The following ARID5B variants were observed in gnomAD, a reference collection of about 807,000 sequenced individuals.
The protein encoded by ARID5B is AT-rich interaction domain 5B.
A neutral mutation model predicts 97.2 loss-of-function variants in ARID5B; 13 were observed. The ratio of observed to expected loss-of-function variants is 0.13; its 90% confidence interval spans 0.09 to 0.21. The LOEUF (loss-of-function observed/expected upper bound fraction) is 0.21, where lower values mean the gene tolerates loss of function less well. Among genes scored for constraint, ARID5B ranks in the 10% least tolerant of loss-of-function variants. ARID5B has a pLI of 1.00. For synonymous variants in ARID5B, 556 were observed against 570.3 expected, an observed-to-expected ratio of 0.97 and a Z score of 0.36; for missense variants, 1,210 against 1,465.3, an observed-to-expected ratio of 0.83 and a Z score of 2.84.
At chr10:62,068,972 A>G (rs1274492376) in intron 7 of ARID5B, among the ~76,000 whole-genome samples, 1 of 152,236 alleles carries the variant, frequency 6.6e-6, no homozygotes, top group Non-Finnish European at 1.5e-5. Flanking sequence ...CTAGCATTTT[A>G]ACTGTGGAAT....
chr10:61,916,508 A>G (rs906269134), intron 2 of ARID5B, among the ~76,000 whole-genome samples: 1 of 152,208 alleles, frequency 6.6e-6, no homozygotes, highest in African/African-American at 2.4e-5. Flanking sequence ...TTAATATGTG[A>G]CATTTTATTT....
intron 9 of ARID5B, 79 bp from the exon 10 acceptor site, chr10:62,090,783 T>G: frequency 1.3e-6 from 2 of 1,490,942 alleles, no homozygotes; most frequent in Non-Finnish European, 1.8e-6. Context: ...AAAACTGCTG[T>G]GTGGAATATT....
chr10:62,032,320 C>T (rs1171152973), intron 4 of ARID5B, among the ~76,000 whole-genome samples: 1 of 152,136 alleles, frequency 6.6e-6, no homozygotes, highest in Non-Finnish European at 1.5e-5. Context: ...GACCCTGACT[C>T]TGTAAATAAA....
intron 8 of ARID5B, among the ~76,000 whole-genome samples, chr10:62,073,455 G>T (rs1031491818): frequency 6.6e-6 from 1 of 152,224 alleles, no homozygotes; most frequent in African/African-American, 2.4e-5. Flanking sequence ...ATCAATGGGT[G>T]TTTTTATTTA....
At chr10:62,009,108 CCAG>C (rs1839183652) in intron 4 of ARID5B, among the ~76,000 whole-genome samples, 1 of 152,184 alleles carries the variant, frequency 6.6e-6, no homozygotes, top group Non-Finnish European at 1.5e-5. Flanking sequence ...GGCACAAGAG[CCAG>C]CTGTACTGCC....
intron 4 of ARID5B, among the ~76,000 whole-genome samples, chr10:62,039,231 G>A (rs556136545): frequency 1.4e-4 from 22 of 152,292 alleles, no homozygotes; most frequent in Admixed American, 1.3e-4. Context: ...AGATTGCTTC[G>A]TGGTACATAG....
chr10:62,020,005 C>T (rs1032687247), intron 4 of ARID5B, among the ~76,000 whole-genome samples: 15 of 152,168 alleles, frequency 9.9e-5, no homozygotes, highest in Admixed American at 3.9e-4. Context: ...TGAAGAGAAG[C>T]GAGTCTCAGC....
At chr10:61,986,335 T>A (rs1457340251) in intron 3 of ARID5B, among the ~76,000 whole-genome samples, 1 of 152,204 alleles carries the variant, frequency 6.6e-6, no homozygotes, top group Non-Finnish European at 1.5e-5. Flanking sequence ...AAGGGCTTTA[T>A]AAATTTGGGA....
At chr10:62,064,931 G>A (rs997449463) in intron 7 of ARID5B, among the ~76,000 whole-genome samples, 3 of 151,920 alleles carry the variant, frequency 2.0e-5, no homozygotes, top group East Asian at 1.9e-4. Context: ...CCACTGCCAC[G>A]CCTGGCTAGT....
At chr10:61,990,925 T>C (rs1008213184) in intron 3 of ARID5B, among the ~76,000 whole-genome samples, 3 of 152,062 alleles carry the variant, frequency 2.0e-5, no homozygotes, top group African/African-American at 7.2e-5. Flanking sequence ...CTTCCAACCC[T>C]CCTAGACCCC....
chr10:61,958,622 A>G (rs1169431485), intron 3 of ARID5B, among the ~76,000 whole-genome samples: 2 of 152,202 alleles, frequency 1.3e-5, no homozygotes, highest in Non-Finnish European at 2.9e-5. Context: ...TTCTACCAGG[A>G]TATTACTAGA....
intron 4 of ARID5B, chr10:62,049,448 G>C: frequency 6.4e-7 from 1 of 1,550,530 alleles, no homozygotes; most frequent in Non-Finnish European, 8.7e-7. Flanking sequence ...CATGAGCACA[G>C]GCATCAGTCA....
chr10:62,023,165 TTAAAG>T (rs1589262210), intron 4 of ARID5B, among the ~76,000 whole-genome samples: 1 of 152,250 alleles, frequency 6.6e-6, no homozygotes, highest in African/African-American at 2.4e-5. Flanking sequence ...TATCTGTTCA[TTAAAG>T]TAACACTTCT....
rs1839398465 is a variant in ARID5B at position 62,024,738 on chromosome 10, A to T, written c.733+24417A>T. ...AAGTTACCAAACCAATGAACTGAAG[A>T]AAATCTAGAAAAGTTTTCACGGGTA... On this transcript the variant is annotated intron_variant, in intron 4 of 9. Coordinates refer to ENST00000279873, the MANE Select transcript of ARID5B (RefSeq NM_032199.3). 5 of 396,066 alleles carry T rather than the reference A, an allele frequency of 1.3e-5. No individual in the cohort carries two copies. The East Asian group carries it at 1.8e-4, about 14-fold the overall frequency. 24.5% of individuals were successfully genotyped at this position (396,066 alleles called of 1,614,324 possible). A position where few individuals can be genotyped will look rare whatever the true frequency, so the allele number is the denominator to read the frequency against.
At chr10:61,940,485 C>T (rs1432650545) in intron 3 of ARID5B, 77 bp downstream of exon 3, 39 of 1,255,322 alleles carry the variant, frequency 3.1e-5, no homozygotes, top group Middle Eastern at 1.9e-4. Flanking sequence ...TTTCTGGAAA[C>T]ACTATCATTT....
In ARID5B at chr10:62,091,925, A is replaced by C; in HGVS notation, c.2462A>C (p.His821Pro). ...DKLLEKRALP[H>P]SHMPSFLADF... ...CTCTTAGAGAAAAGGGCCCTCCCCC[A>C]TTCCCACATGCCTAGCTTCCTGGCT... Residue 821 changes from histidine to proline, a missense_variant, in exon 10 of 10, where the codon CAT (histidine) becomes CCT (proline). By Grantham distance (77) the His-to-Pro change is moderately conservative (BLOSUM62 -2). This residue lies in a region of ARID5B where 800 missense variants were observed against 839.1 expected (regional missense o/e 0.95). Coordinates refer to ENST00000279873, the MANE Select transcript of ARID5B (RefSeq NM_032199.3). 6.2e-7 allele frequency: 1 copy of C among 1,613,746 alleles called. No individual in the cohort carries two copies. Among genetic ancestry groups the C allele is most frequent in the Non-Finnish European group, 8.5e-7 (1 of 1,179,870 alleles).
chr10:62,079,737 G>T (rs781142841), intron 8 of ARID5B, among the ~76,000 whole-genome samples: 6 of 152,166 alleles, frequency 3.9e-5, no homozygotes, highest in Non-Finnish European at 8.8e-5. Flanking sequence ...AGAATTATCA[G>T]TGGGCCTAAG....
intron 7 of ARID5B, among the ~76,000 whole-genome samples, chr10:62,068,374 G>A (rs2132952011): frequency 6.6e-6 from 1 of 152,196 alleles, no homozygotes; most frequent in South Asian, 2.1e-4. Flanking sequence ...ATTGTCTCGA[G>A]GTCCTATTTG....
intron 2 of ARID5B, among the ~76,000 whole-genome samples, chr10:61,910,673 G>A (rs1171750020): frequency 6.6e-6 from 1 of 152,178 alleles, no homozygotes; most frequent in Non-Finnish European, 1.5e-5. Flanking sequence ...TTTCAAACAT[G>A]CAGATGATGA....
Sources: allele counts gnomAD v4.1 joint callset (sites outside exome capture counted in the v4.1 genomes callset), GRCh38; gene constraint gnomAD v4.1.1; regional missense constraint gnomAD v4.1.1; transcripts MANE v1.5; gene names NCBI Gene and HGNC (gene_info 2026-07-23, HGNC 2026-07-21).